GMDS: variants seen among roughly 807,000 people sequenced by gnomAD.
GMDS encodes GDP-mannose 4,6 dehydratase.
Under a neutral mutation model 49.9 loss-of-function variants are expected in GMDS, and 20 were observed. That is an observed-to-expected ratio of 0.40 (90% CI 0.28 to 0.58). The LOEUF (loss-of-function observed/expected upper bound fraction) is 0.58. GMDS is among the 20% of genes least tolerant of loss of function. The pLI, the probability that GMDS is intolerant of heterozygous loss-of-function variation, is 0.42. For synonymous variants in GMDS, 177 were observed against 178.6 expected (o/e 0.99, Z 0.07); for missense variants, 362 against 481.4 (o/e 0.75, Z 2.32).
At chr6:1,922,800 C>T (rs1470923246) in intron 7 of GMDS, among the ~76,000 whole-genome samples, 1 of 152,192 alleles carries the variant, frequency 6.6e-6, no homozygotes, top group Non-Finnish European at 1.5e-5. Flanking sequence ...CTACAGCTAG[C>T]TCCCGTCTCT....
intron 7 of GMDS, among the ~76,000 whole-genome samples, chr6:1,889,339 T>C (rs1037125036): frequency 2.0e-5 from 3 of 152,144 alleles, no homozygotes; most frequent in Non-Finnish European, 2.9e-5. Context: ...TTCACTTTCG[T>C]TATTCTGTGC....
At chr6:1,893,255 G>A (rs1209325751) in intron 7 of GMDS, among the ~76,000 whole-genome samples, 2 of 148,102 alleles carry the variant, frequency 1.4e-5, no homozygotes, top group African/African-American at 5.0e-5. Flanking sequence ...GTGCAGTGGC[G>A]CGATGTCAGC....
intron 1 of GMDS, among the ~76,000 whole-genome samples, chr6:2,163,524 A>G (rs1262713385): frequency 2.0e-5 from 3 of 152,314 alleles, no homozygotes; most frequent in Non-Finnish European, 4.4e-5. Context: ...AATAAGCTGT[A>G]GACCCAGGAG....
At chr6:1,962,084 A>G (rs1763978920) in intron 4 of GMDS, among the ~76,000 whole-genome samples, 1 of 152,252 alleles carries the variant, frequency 6.6e-6, no homozygotes, top group Non-Finnish European at 1.5e-5. Flanking sequence ...TCATTAAGAT[A>G]TAATTCACAC....
chr6:2,095,620 G>GA (rs1322457427), intron 4 of GMDS, among the ~76,000 whole-genome samples: 1 of 152,268 alleles, frequency 6.6e-6, no homozygotes, highest in East Asian at 1.9e-4. Context: ...CGGTGTTGCA[G>GA]AATCAGTGAA....
intron 1 of GMDS, among the ~76,000 whole-genome samples, chr6:2,193,837 C>T (rs1779162938): frequency 6.7e-6 from 1 of 149,960 alleles, no homozygotes; most frequent in Admixed American, 6.7e-5. Context: ...CATTCTCCTG[C>T]CTCAGCCTCC....
In GMDS at chr6:1,922,516, C is replaced by T. The variant is rs565911548; in HGVS notation, c.771+7587G>A. On this transcript the variant is annotated intron_variant, in intron 7 of 10. Transcript: ENST00000380815. ...TGAAACTCACGGCCCAAGGCGACAA[C>T]TCTACTCCTGTTTGCCCACTCTCTC... 3.2e-4 allele frequency among the ~76,000 whole-genome samples: 49 copies of T among 152,342 alleles called. 3 individuals carry two copies. The South Asian group carries it at 9.5e-3, about 30-fold the overall frequency.
intron 4 of GMDS, among the ~76,000 whole-genome samples, chr6:2,044,645 C>T (rs1407699737): frequency 1.3e-5 from 2 of 151,990 alleles, no homozygotes; most frequent in Non-Finnish European, 2.9e-5. Flanking sequence ...TGAAATAATC[C>T]GAACAACAAA....
intron 7 of GMDS, among the ~76,000 whole-genome samples, chr6:1,810,542 C>CAGAGTGCT (rs1770375088): frequency 6.6e-6 from 1 of 152,032 alleles, no homozygotes; most frequent in Non-Finnish European, 1.5e-5. Flanking sequence ...CTCGGCCTCC[C>CAGAGTGCT]AGAGTGCTAG....
intron 4 of GMDS, among the ~76,000 whole-genome samples, chr6:2,100,939 G>A (rs1265170769): frequency 1.3e-5 from 2 of 151,978 alleles, no homozygotes; most frequent in Admixed American, 6.6e-5. Flanking sequence ...CTGTAAGAAT[G>A]CAAGAAAATG....
chr6:1,738,741 T>A (rs1433410554), intron 8 of GMDS, among the ~76,000 whole-genome samples: 1 of 152,198 alleles, frequency 6.6e-6, no homozygotes, highest in Non-Finnish European at 1.5e-5. Flanking sequence ...TCCTTCACCC[T>A]CTACATCTGG....
chr6:2,023,970 G>T (rs1768428510), intron 4 of GMDS, among the ~76,000 whole-genome samples: 1 of 152,112 alleles, frequency 6.6e-6, no homozygotes. Context: ...AAATTCTCAG[G>T]TTAAAAGACA....
At chr6:1,821,629 T>G (rs910254767) in intron 7 of GMDS, among the ~76,000 whole-genome samples, 2 of 112,954 alleles carry the variant, frequency 1.8e-5, no homozygotes, top group East Asian at 2.6e-4. Flanking sequence ...TTTTTTTTTT[T>G]TTTTTTTTTA....
At chr6:1,851,592 A>T (rs1757674844) in intron 7 of GMDS, among the ~76,000 whole-genome samples, 1 of 152,194 alleles carries the variant, frequency 6.6e-6, no homozygotes, top group Admixed American at 6.5e-5. Flanking sequence ...AATACATTTA[A>T]TAAGGGGACT....
chr6:1,738,092 TACAC>T (rs1767111126), intron 8 of GMDS, among the ~76,000 whole-genome samples: 3 of 118,186 alleles, frequency 2.5e-5, no homozygotes, highest in African/African-American at 6.8e-5. Flanking sequence ...ACCACACACA[TACAC>T]ACCACACATA....
At chr6:1,970,033 C>A (rs1025196609) in intron 4 of GMDS, among the ~76,000 whole-genome samples, 1 of 152,168 alleles carries the variant, frequency 6.6e-6, no homozygotes, top group Non-Finnish European at 1.5e-5. Context: ...AAGAATGGAA[C>A]AAACTTTATA....
intron 4 of GMDS, among the ~76,000 whole-genome samples, chr6:1,962,754 TATATATATACATATGCATATACATAC>T (rs1764029568): frequency 6.6e-6 from 1 of 151,970 alleles, no homozygotes; most frequent in African/African-American, 2.4e-5. Context: ...TAAAAGTTTA[TATATATATACATATGCATATACATAC>T]ATATATATAT....
chr6:1,905,688 G>T (rs113453790), intron 7 of GMDS, among the ~76,000 whole-genome samples: 61 of 131,962 alleles, frequency 4.6e-4, no homozygotes, highest in African/African-American at 1.7e-3. Context: ...GGCCTCAAAG[G>T]TACCTGTGCA....
Position 2,014,984 on chromosome 6 carries a change from T to C in GMDS, c.346-54018A>G, listed in dbSNP as rs1238953792. Among the ~76,000 whole-genome samples the C allele has an allele frequency of 2.6e-5, 4 of 152,138 alleles. No homozygotes were observed. In the East Asian group the frequency reaches 7.7e-4, roughly 29 times the overall value. On this transcript the variant is annotated intron_variant, in intron 4 of 10. Coordinates refer to ENST00000380815, the MANE Select transcript of GMDS (RefSeq NM_001500.4). ...GAATAAGGAAGACATTATGTAATGA[T>C]AAAGGGGTCATTTCTCCAAGAAAAC...
Sources: gnomAD v4.1 joint callset for allele counts (sites outside exome capture counted in the v4.1 genomes callset) on GRCh38, gnomAD v4.1.1 for gene constraint, MANE v1.5 for transcripts, NCBI Gene and HGNC (gene_info 2026-07-23, HGNC 2026-07-21) for gene names.